The following TXNDC9 variants were observed in gnomAD, a reference collection of about 807,000 sequenced individuals.
TXNDC9 encodes thioredoxin domain containing 9, also known as thioredoxin domain-containing protein 9.
Under a neutral mutation model 23.0 loss-of-function variants are expected in TXNDC9, and 7 were observed. The observed-to-expected ratio is 0.30, with a 90% CI of 0.17 to 0.57. TXNDC9 has a LOEUF of 0.57. Among genes scored for constraint, TXNDC9 ranks in the 20% least tolerant of loss-of-function variants. The pLI is 0.90. For missense variants in TXNDC9, 198 were observed against 252.6 expected, an observed-to-expected ratio of 0.78 and a Z score of 1.47; for synonymous variants, 72 against 90.6, an observed-to-expected ratio of 0.79 and a Z score of 1.17.
At chr2:99,320,507 A>C (rs1429721993) in intron 4 of TXNDC9, among the ~76,000 whole-genome samples, 1 of 152,228 alleles carries the variant, frequency 6.6e-6, no homozygotes, top group East Asian at 1.9e-4. Flanking sequence ...CTCCAAAATA[A>C]ACAGTTTGTA....
the TXNDC9 span, among the ~76,000 whole-genome samples, chr2:99,311,765 C>G: frequency 6.6e-6 from 1 of 152,206 alleles, no homozygotes; most frequent in Non-Finnish European, 1.5e-5. Context: ...GCATGCCCAG[C>G]CTGATTTTTG....
chr2:99,333,881 C>A (rs2094231808), intron 1 of TXNDC9, among the ~76,000 whole-genome samples: 1 of 152,196 alleles, frequency 6.6e-6, no homozygotes, highest in Admixed American at 6.5e-5. Flanking sequence ...AAAATTAATA[C>A]TGGTTTCCAT....
At chr2:99,317,750 T>C (rs948027416), downstream of TXNDC9, among the ~76,000 whole-genome samples, 1 of 152,082 alleles carries the variant, frequency 6.6e-6, no homozygotes, top group Non-Finnish European at 1.5e-5. Flanking sequence ...AGTACTGGTA[T>C]TACAGGCATG....
downstream of TXNDC9, among the ~76,000 whole-genome samples, chr2:99,317,024 G>A (rs2094190762): frequency 1.3e-5 from 2 of 152,148 alleles, no homozygotes; most frequent in Admixed American, 6.5e-5. Context: ...CCAAAGTGCT[G>A]GGATTACAGG....
chr2:99,330,239 G>A lies in TXNDC9; in HGVS notation c.190-2586C>T, dbSNP rs765312275. Among the ~76,000 whole-genome samples the A allele has an allele frequency of 1.9e-4, 23 of 119,624 alleles. 1 individual carries two copies. Among genetic ancestry groups the A allele is most frequent in the South Asian group, 6.0e-4 (2 of 3,334 alleles). 78.5% of individuals were successfully genotyped at this position (119,624 alleles called of 152,430 possible). A position where few individuals can be genotyped will look rare whatever the true frequency, so the allele number is the denominator to read the frequency against. ...TGGGAGGTGGAGGTTGCAGTGAGCCGAGATTGTGCCACTGCACTCCAGCCG... is the reference window on the plus strand; with the variant it reads ...TGGGAGGTGGAGGTTGCAGTGAGCCAAGATTGTGCCACTGCACTCCAGCCG... On this transcript the variant is annotated intron_variant, in intron 2 of 4. Transcript: ENST00000264255.
chr2:99,306,298 C>CT, the TXNDC9 span, among the ~76,000 whole-genome samples: 4 of 152,166 alleles, frequency 2.6e-5, no homozygotes, highest in Admixed American at 2.6e-4. Flanking sequence ...AAGAATAAGA[C>CT]TTTGAGACAA....
intron 2 of TXNDC9, among the ~76,000 whole-genome samples, chr2:99,330,319 A>AAAAAAAAAAAAC (rs56111573): frequency 6.9e-6 from 1 of 145,002 alleles, no homozygotes; most frequent in African/African-American, 2.5e-5. Context: ...AAAAAAAAAA[A>AAAAAAAAAAAAC]GCTGCTATTT....
chr2:99,310,016 G>A, the TXNDC9 span, among the ~76,000 whole-genome samples: 15 of 152,142 alleles, frequency 9.9e-5, no homozygotes, highest in African/African-American at 3.1e-4. Context: ...CGGCTTTGTC[G>A]TCTGTAAAAT....
chr2:99,325,298 G>A (rs983799564), intron 3 of TXNDC9, among the ~76,000 whole-genome samples: 3 of 151,884 alleles, frequency 2.0e-5, no homozygotes, highest in Non-Finnish European at 4.4e-5. Flanking sequence ...ATAGCAATAG[G>A]CTTAAAACAT....
the TXNDC9 span, among the ~76,000 whole-genome samples, chr2:99,306,492 T>C: frequency 1.3e-5 from 2 of 151,724 alleles, no homozygotes; most frequent in African/African-American, 4.8e-5. Context: ...AAAATCAAGC[T>C]GCTTAGTTGA....
At chr2:99,313,358 C>T in the TXNDC9 span, among the ~76,000 whole-genome samples, 1 of 152,296 alleles carries the variant, frequency 6.6e-6, no homozygotes, top group East Asian at 1.9e-4. Context: ...GTAATCATGC[C>T]TGGCCTAATC....
At chr2:99,325,242 C>T (rs77493045) in intron 3 of TXNDC9, among the ~76,000 whole-genome samples, 2,078 of 152,172 alleles carry the variant, frequency 0.014, 41 homozygotes, top group African/African-American at 0.048. Flanking sequence ...ATCTCATGTA[C>T]CCCATATTTA....
At chr2:99,315,725 A>G (rs2094187717), downstream of TXNDC9, among the ~76,000 whole-genome samples, 1 of 152,228 alleles carries the variant, frequency 6.6e-6, no homozygotes, top group Admixed American at 6.5e-5. Flanking sequence ...TACTTGTCCC[A>G]AAACCATTTG....
chr2:99,322,757 C>T (rs1023890042), intron 3 of TXNDC9: 6 of 1,367,184 alleles, frequency 4.4e-6, no homozygotes, highest in Non-Finnish European at 3.8e-6. Context: ...CCAGTAGTAA[C>T]TTTTTTATTT....
intron 2 of TXNDC9, among the ~76,000 whole-genome samples, chr2:99,332,356 T>C (rs1349198820): frequency 6.6e-6 from 1 of 152,132 alleles, no homozygotes; most frequent in Non-Finnish European, 1.5e-5. Context: ...GGCAGAATAA[T>C]TGCTTGAAGC....
chr2:99,309,554 C>T, the TXNDC9 span, among the ~76,000 whole-genome samples: 1 of 151,150 alleles, frequency 6.6e-6, no homozygotes. Flanking sequence ...AACCCAGGGG[C>T]TGGACATGGT....
chr2:99,314,177 T>C (rs1032481691), downstream of TXNDC9, among the ~76,000 whole-genome samples: 1 of 152,160 alleles, frequency 6.6e-6, no homozygotes, highest in African/African-American at 2.4e-5. Context: ...TTTACCTCCT[T>C]TGCAGCCTTT....
At chr2:99,326,026 C>A (rs570430687) in intron 3 of TXNDC9, among the ~76,000 whole-genome samples, 16 of 149,650 alleles carry the variant, frequency 1.1e-4, no homozygotes, top group Admixed American at 6.6e-4. Context: ...CAAAAAAAAA[C>A]AACAAAAAAA....
At chr2:99,328,213 A>G (rs1005486511) in intron 2 of TXNDC9, among the ~76,000 whole-genome samples, 2 of 151,092 alleles carry the variant, frequency 1.3e-5, no homozygotes, top group Non-Finnish European at 2.9e-5. Flanking sequence ...CTCCTACGTC[A>G]GTCTCCCAAG....
Sources: allele counts gnomAD v4.1 joint callset (sites outside exome capture counted in the v4.1 genomes callset), GRCh38; gene constraint gnomAD v4.1.1; transcripts MANE v1.5; gene names NCBI Gene and HGNC (gene_info 2026-07-23, HGNC 2026-07-21).